The following SYNE3 variants were observed in gnomAD, a reference collection of about 807,000 sequenced individuals.
SYNE3 encodes the protein nesprin-3.
A neutral mutation model predicts 111.2 loss-of-function variants in SYNE3; 100 were observed. That is an observed-to-expected ratio of 0.90 (90% CI 0.77 to 1.06). The LOEUF is 1.06. Among genes scored for constraint, SYNE3 ranks in the 50% least tolerant of loss-of-function variants. SYNE3 has a pLI of 0.00. For synonymous variants in SYNE3, 547 were observed against 533.9 expected (o/e 1.02, Z -0.34); for missense variants, 1,160 against 1,240.3 (o/e 0.94, Z 0.97).
intron 2 of SYNE3, among the ~76,000 whole-genome samples, chr14:95,473,264 T>G (rs998613128): frequency 6.6e-6 from 1 of 152,018 alleles, no homozygotes; most frequent in Non-Finnish European, 1.5e-5. Flanking sequence ...CCAGGGCCCA[T>G]CCACCCTGGT....
intron 1 of SYNE3, among the ~76,000 whole-genome samples, chr14:95,481,579 G>A (rs1889255057): frequency 6.6e-6 from 1 of 152,218 alleles, no homozygotes; most frequent in Non-Finnish European, 1.5e-5. Context: ...CGGAGAGGCT[G>A]TCAGAGAAAC....
At chr14:95,475,560 T>C in intron 2 of SYNE3, 118 bp downstream of exon 2, 1 of 1,189,092 alleles carries the variant, frequency 8.4e-7, no homozygotes, top group Non-Finnish European at 1.1e-6. Context: ...CACATCAGAG[T>C]TTGAGAAACA....
rs1903390791 is a variant in SYNE3, at chr14:95,409,931, T to C, written c.*7895A>G. On this transcript the variant is annotated 3_prime_UTR_variant, in exon 18 of 18. Coordinates refer to ENST00000682763, the MANE Select transcript of SYNE3 (RefSeq NM_152592.6). ...CTGGAAAGGCTCAGAGATCCTCATT[T>C]TCCAAGATTTGCACCCAGGAGCTCC... 6.3e-6 allele frequency: 1 copy of C among 158,098 alleles called. No homozygotes were observed. 9.8% of individuals were successfully genotyped at this position (158,098 alleles called of 1,614,324 possible).
chr14:95,443,067 G>A, intron 11 of SYNE3, 88 bp downstream of exon 11: 2 of 1,505,182 alleles, frequency 1.3e-6, no homozygotes, highest in Non-Finnish European at 1.8e-6. Flanking sequence ...AGGAATGAAG[G>A]CAGGAAAGGG....
At chr14:95,420,369 G>A (rs1885050138) in intron 17 of SYNE3, among the ~76,000 whole-genome samples, 1 of 152,134 alleles carries the variant, frequency 6.6e-6, no homozygotes, top group Admixed American at 6.5e-5. Flanking sequence ...ACCCAGCCTG[G>A]GTTTCCACTG....
Position 95,415,339 on chromosome 14 carries a change from G to T in SYNE3, c.*2487C>A, listed in dbSNP as rs1295007678. On this transcript the variant is annotated 3_prime_UTR_variant, in exon 18 of 18. Coordinates refer to ENST00000682763, the MANE Select transcript of SYNE3 (RefSeq NM_152592.6). ...CAGGACTGGACATCTGGGCTTGGCTGCCTGGGCTCACTCAGCTCCTGATTT... is the reference window on the plus strand; with the variant it reads ...CAGGACTGGACATCTGGGCTTGGCTTCCTGGGCTCACTCAGCTCCTGATTT... 8 of 145,648 alleles carry T rather than the reference G, an allele frequency of 5.5e-5. No homozygotes were observed. Among genetic ancestry groups the T allele is most frequent in the African/African-American group, 7.7e-5 (3 of 39,102 alleles). The allele number at this position is 145,648 out of a possible 1,614,324, so 9.0% of individuals were successfully genotyped here.
At chr14:95,471,168 C>T (rs911631481) in intron 2 of SYNE3, among the ~76,000 whole-genome samples, 3 of 152,198 alleles carry the variant, frequency 2.0e-5, no homozygotes, top group Non-Finnish European at 4.4e-5. Flanking sequence ...TCCACACCTG[C>T]TCCCAGCTTC....
At chr14:95,437,063 A>G in intron 14 of SYNE3, 82 bp from the exon 15 acceptor site, 1 of 1,575,226 alleles carries the variant, frequency 6.3e-7, no homozygotes, top group Non-Finnish European at 8.7e-7. Flanking sequence ...CCTGAGGCAG[A>G]GGGGCAGGGA....
rs1395981977 is a variant in SYNE3, at chr14:95,412,011, C to T, written c.*5815G>A. 1 of 152,374 alleles carries T rather than the reference C, an allele frequency of 6.6e-6. No homozygotes were observed. Among genetic ancestry groups the T allele is most frequent in the Non-Finnish European group, 1.5e-5 (1 of 68,158 alleles). The allele number at this position is 152,374 out of a possible 1,614,324, so 9.4% of individuals were successfully genotyped here. ...CCACAGCCTTAGCCTTAAGCCTCCCCTTGAAGCCTCCAGGAGCCTCCCAAG... is the reference window on the plus strand; with the variant it reads ...CCACAGCCTTAGCCTTAAGCCTCCCTTTGAAGCCTCCAGGAGCCTCCCAAG... On this transcript the variant is annotated 3_prime_UTR_variant, in exon 18 of 18. Coordinates refer to ENST00000682763, the MANE Select transcript of SYNE3 (RefSeq NM_152592.6).
chr14:95,439,711 T>G lies in SYNE3; in HGVS notation c.2147A>C (p.Glu716Ala). Residue 716 changes from glutamate (E) to alanine (A), a missense_variant, in exon 13 of 18, where the codon GAG (glutamate) becomes GCG (alanine). Transcript: ENST00000682763. Reference sequence around the variant, plus strand: ...GGCAGCACCCTCCGGAGAAGACTTCTCCATCACCAGCCAGCCCTGCGCTTC... The same window carrying G: ...GGCAGCACCCTCCGGAGAAGACTTCGCCATCACCAGCCAGCCCTGCGCTTC... The part of the protein sequence containing the change: ...LVEAQGWLVM[E>A]KSSPEGAAVV... 7 of 1,614,092 alleles carry G rather than the reference T, an allele frequency of 4.3e-6. No homozygotes were observed. The highest frequency in any genetic ancestry group is 5.9e-6 in the Non-Finnish European group (7 of 1,180,008).
intron 1 of SYNE3, among the ~76,000 whole-genome samples, chr14:95,492,110 A>G (rs780002643): frequency 6.6e-6 from 1 of 152,242 alleles, no homozygotes; most frequent in Non-Finnish European, 1.5e-5. Flanking sequence ...AGCTATAATC[A>G]AAGGAAGATA....
rs778218367 is a variant in SYNE3, at chr14:95,443,307, A to AC, written c.1777-19dup. 1 of 1,613,958 alleles carries AC rather than the reference A, an allele frequency of 6.2e-7. No individual in the cohort carries two copies. Among genetic ancestry groups the AC allele is most frequent in the Non-Finnish European group, 8.5e-7 (1 of 1,179,882 alleles). ...TGCAGCCCCTGCAGTAGAGAAGGGA[A>AC]CAGGTAGGCTAATCTTCCCACCTCT... On this transcript the variant is annotated intron_variant, in intron 10 of 17. Transcript: ENST00000682763.
intron 4 of SYNE3, 83 bp downstream of exon 4, chr14:95,465,848 G>A: frequency 7.1e-7 from 1 of 1,408,342 alleles, no homozygotes; most frequent in South Asian, 1.4e-5. Context: ...TTGATAGTAG[G>A]CAAACAGTGG....
Position 95,416,527 on chromosome 14 carries a change from G to A in SYNE3, c.*1299C>T, listed in dbSNP as rs1381252434. The stretch of plus-strand genomic sequence containing the variant: ...CATCCCAGAGTTCCCTGGCAAGGAA[G>A]GGATGAGTTTCTGGCCTCGGGAACT... On this transcript the variant is annotated 3_prime_UTR_variant, in exon 18 of 18. Coordinates refer to ENST00000682763, the MANE Select transcript of SYNE3 (RefSeq NM_152592.6). 1 of 152,260 alleles carries A rather than the reference G, an allele frequency of 6.6e-6. No homozygotes were observed. The highest frequency in any genetic ancestry group is 1.9e-4 in the East Asian group (1 of 5,198). The allele number at this position is 152,260 out of a possible 1,614,324, so 9.4% of individuals were successfully genotyped here.
chr14:95,442,394 T>C (rs537348269), intron 11 of SYNE3, among the ~76,000 whole-genome samples: 11 of 152,100 alleles, frequency 7.2e-5, no homozygotes, highest in Middle Eastern at 3.4e-3. Context: ...ATTTCAGGAG[T>C]GTAAAGAGGA....
chr14:95,433,630 C>T lies in SYNE3; in HGVS notation c.2539-221G>A, dbSNP rs868156886. Among the ~76,000 whole-genome samples, 33 of 152,374 alleles carry T rather than the reference C, an allele frequency of 2.2e-4. No homozygotes were observed. In the Middle Eastern group the frequency reaches 0.01, roughly 47 times the overall value. ...ATGGCCTCCTGCATGGAACGGGCAG[C>T]TGGGCTGCAGACCTCCAGTGGTCAC... is the stretch of plus-strand genomic sequence containing the variant. On this transcript the variant is annotated intron_variant, in intron 15 of 17. Coordinates refer to ENST00000682763, the MANE Select transcript of SYNE3 (RefSeq NM_152592.6).
chr14:95,418,104 T>C, intron 17 of SYNE3, 78 bp from the exon 18 acceptor site: 1 of 1,491,364 alleles, frequency 6.7e-7, no homozygotes, highest in Non-Finnish European at 9.2e-7. Flanking sequence ...GCGAGGAGGA[T>C]GCCAGGAGCG....
intron 17 of SYNE3, among the ~76,000 whole-genome samples, chr14:95,418,441 G>A (rs1042903751): frequency 5.3e-5 from 8 of 152,152 alleles, no homozygotes; most frequent in African/African-American, 1.2e-4. Flanking sequence ...CACATAGTAA[G>A]TATGTACCAG....
chr14:95,450,940 A>C (rs1259645515), intron 7 of SYNE3: 1 of 152,252 alleles, frequency 6.6e-6, no homozygotes, highest in African/African-American at 2.4e-5. Flanking sequence ...CCTCCCACTG[A>C]GTACAAAAAC....
Sources: gnomAD v4.1 joint callset for allele counts (sites outside exome capture counted in the v4.1 genomes callset) on GRCh38, gnomAD v4.1.1 for gene constraint, MANE v1.5 for transcripts, NCBI Gene and HGNC (gene_info 2026-07-23, HGNC 2026-07-21) for gene names.